GMPR: variants seen among roughly 807,000 people sequenced by gnomAD.
The protein encoded by GMPR is guanosine monophosphate reductase.
A neutral mutation model predicts 38.4 loss-of-function variants in GMPR; 31 were observed. The observed-to-expected ratio is 0.81, with a 90% confidence interval of 0.61 to 1.09. The LOEUF is 1.09. Among genes scored for constraint, GMPR ranks in the 50% least tolerant of loss-of-function variants. GMPR has a pLI of 0.00. For synonymous variants in GMPR, 162 were observed against 173.3 expected, an observed-to-expected ratio of 0.93 and a Z score of 0.51; for missense variants, 468 against 453.7, an observed-to-expected ratio of 1.03 and a Z score of -0.29.
At chr6:16,290,682 G>A in intron 8 of GMPR, 61 bp downstream of exon 8, 1 of 1,465,592 alleles carries the variant, frequency 6.8e-7, no homozygotes, top group Non-Finnish European at 9.5e-7. Flanking sequence ...TACGGAGATG[G>A]GATGGAAGCA....
chr6:16,278,015 C>G (rs1759505202), intron 5 of GMPR, among the ~76,000 whole-genome samples: 1 of 152,086 alleles, frequency 6.6e-6, no homozygotes, highest in African/African-American at 2.4e-5. Context: ...TGGCCTGGAC[C>G]TAACTGGGAG....
At chr6:16,247,077 G>A in intron 2 of GMPR, 116 bp downstream of exon 2, 2 of 957,118 alleles carry the variant, frequency 2.1e-6, no homozygotes, top group Non-Finnish European at 3.1e-6. Context: ...AGCTGCTTTG[G>A]GTCATTCTCT....
intron 7 of GMPR, among the ~76,000 whole-genome samples, chr6:16,289,760 G>A (rs1226181288): frequency 6.8e-6 from 1 of 147,754 alleles, no homozygotes; most frequent in South Asian, 2.2e-4. Context: ...AGAGCTTCAA[G>A]TACAGACCAG....
chr6:16,269,297 A>G (rs550977701), intron 4 of GMPR, among the ~76,000 whole-genome samples: 1 of 152,342 alleles, frequency 6.6e-6, no homozygotes, highest in South Asian at 2.1e-4. Flanking sequence ...GATTTGCTCA[A>G]AAGTACCCAG....
chr6:16,242,715 C>T (rs972225827), intron 1 of GMPR, among the ~76,000 whole-genome samples: 3 of 151,924 alleles, frequency 2.0e-5, no homozygotes, highest in Non-Finnish European at 4.4e-5. Context: ...CTTGTCTCAC[C>T]GCAACCTCCG....
At chr6:16,250,169 C>T in intron 2 of GMPR, 115 bp from the exon 3 acceptor site, 1 of 713,960 alleles carries the variant, frequency 1.4e-6, no homozygotes, top group Admixed American at 2.0e-5. Flanking sequence ...GCAAATTAAG[C>T]ATGGATGGCA....
intron 7 of GMPR, 56 bp downstream of exon 7, chr6:16,285,891 C>T (rs1280297861): frequency 4.2e-6 from 6 of 1,416,244 alleles, no homozygotes; most frequent in East Asian, 2.4e-5. Flanking sequence ...GAGCTCCCTA[C>T]ACCTCTCCAG....
At chr6:16,241,342 C>T (rs1758645056) in intron 1 of GMPR, among the ~76,000 whole-genome samples, 1 of 152,136 alleles carries the variant, frequency 6.6e-6, no homozygotes, top group Non-Finnish European at 1.5e-5. Context: ...AGGAAACGGA[C>T]AGTAAGAGTG....
chr6:16,289,201 C>T (rs1262010568), intron 7 of GMPR, among the ~76,000 whole-genome samples: 1 of 152,154 alleles, frequency 6.6e-6, no homozygotes, highest in Non-Finnish European at 1.5e-5. Flanking sequence ...GACCCCAACC[C>T]CACCAGAAGG....
chr6:16,267,879 A>T (rs769943236), intron 4 of GMPR, among the ~76,000 whole-genome samples: 1 of 152,212 alleles, frequency 6.6e-6, no homozygotes, highest in Non-Finnish European at 1.5e-5. Flanking sequence ...TCCGGGAGCC[A>T]TGGGCTGGAT....
chr6:16,238,647 G>A lies in GMPR; in HGVS notation c.-47G>A, dbSNP rs906998969. Reference sequence around the variant, plus strand: ...GCTCCCCGCGCCGCCCCGCGCAGGCGCCCCCGCCCCGCCGTCGCCGCCGCC... The same window carrying A: ...GCTCCCCGCGCCGCCCCGCGCAGGCACCCCCGCCCCGCCGTCGCCGCCGCC... On this transcript the variant is annotated 5_prime_UTR_variant, in exon 1 of 9. Transcript: ENST00000259727. 3.3e-6 allele frequency: 3 copies of A among 901,932 alleles called. No individual in the cohort carries two copies. Among genetic ancestry groups the A allele is most frequent in the African/African-American group, 1.8e-5 (1 of 55,068 alleles). 55.9% of individuals were successfully genotyped at this position (901,932 alleles called of 1,614,324 possible).
chr6:16,273,192 T>G (rs1478653547), intron 4 of GMPR, among the ~76,000 whole-genome samples: 1 of 152,198 alleles, frequency 6.6e-6, no homozygotes, highest in Non-Finnish European at 1.5e-5. Flanking sequence ...TCCTTTTATA[T>G]GAAGTTAAAA....
At chr6:16,246,753 C>A in intron 1 of GMPR, 89 bp from the exon 2 acceptor site, 1 of 1,276,956 alleles carries the variant, frequency 7.8e-7, no homozygotes, top group Non-Finnish European at 1.1e-6. Context: ...TGTTCCTACT[C>A]GCTCCAAACT....
At chr6:16,240,899 G>C (rs1758636264) in intron 1 of GMPR, among the ~76,000 whole-genome samples, 1 of 151,984 alleles carries the variant, frequency 6.6e-6, no homozygotes, top group African/African-American at 2.4e-5. Context: ...CTTTCTAATC[G>C]GTTGCCGTGA....
intron 4 of GMPR, chr6:16,259,409 T>G (rs1759038413): frequency 6.6e-6 from 1 of 152,034 alleles, no homozygotes; most frequent in African/African-American, 2.4e-5. Flanking sequence ...TGGCTTAGCT[T>G]GGGCTCAGAG....
At chr6:16,253,055 T>G (rs1758906019) in intron 3 of GMPR, among the ~76,000 whole-genome samples, 1 of 152,234 alleles carries the variant, frequency 6.6e-6, no homozygotes, top group Admixed American at 6.5e-5. Context: ...TGAAAGCAAG[T>G]CCTTGCCCAA....
At chr6:16,263,304 T>C (rs544631012) in intron 4 of GMPR, 1 of 152,050 alleles carries the variant, frequency 6.6e-6, no homozygotes, top group South Asian at 2.1e-4. Context: ...GAAAGTGCCA[T>C]TTTCCGGCTA....
intron 4 of GMPR, among the ~76,000 whole-genome samples, chr6:16,256,351 T>TAAAA (rs200060049): frequency 5.0e-5 from 6 of 120,842 alleles, no homozygotes; most frequent in Non-Finnish European, 7.1e-5. Context: ...CTGCATCTAC[T>TAAAA]AAAAAAAAAA....
At chr6:16,266,343 C>T (rs900840026) in intron 4 of GMPR, among the ~76,000 whole-genome samples, 11 of 150,062 alleles carry the variant, frequency 7.3e-5, no homozygotes, top group African/African-American at 2.4e-4. Flanking sequence ...GGGTGCGCCA[C>T]CTTTAAGAGC....
Sources: gnomAD v4.1 joint callset for allele counts (sites outside exome capture counted in the v4.1 genomes callset) on GRCh38, gnomAD v4.1.1 for gene constraint, MANE v1.5 for transcripts, NCBI Gene and HGNC (gene_info 2026-07-23, HGNC 2026-07-21) for gene names.